Variants in SEC16A observed in about 807,000 individuals in gnomAD.
SEC16A encodes the protein protein transport protein Sec16A.
SEC16A carries 110 observed loss-of-function variants against 221.9 expected under a neutral mutation model. That is an observed-to-expected ratio of 0.50 (90% confidence interval 0.42 to 0.58). The LOEUF is 0.58. SEC16A is among the 20% of genes least tolerant of loss of function. SEC16A has a pLI of 0.00. For synonymous variants in SEC16A, 1,393 were observed against 1,257.7 expected (o/e 1.11, Z -2.28); for missense variants, 3,165 against 3,097.8 (o/e 1.02, Z -0.52).
Position 136,462,400 on chromosome 9 carries a change from C to T in SEC16A, c.4893+487G>A, listed in dbSNP as rs138895334. 1.1e-3 allele frequency among the ~76,000 whole-genome samples: 164 copies of T among 152,308 alleles called. 1 individual carries two copies. Among genetic ancestry groups the T allele is most frequent in the African/African-American group, 3.7e-3 (152 of 41,566 alleles). ...GGCCCCCCACCTGCCCCAGTCCCCA[C>T]GCTGCTGTGACCCCAGTCACTGGAC... is the stretch of plus-strand genomic sequence containing the variant. On this transcript the variant is annotated intron_variant, in intron 12 of 31. Coordinates refer to ENST00000684901, the MANE Select transcript of SEC16A (RefSeq NM_014866.2).
At chr9:136,444,955 G>A (rs1227788201) in intron 30 of SEC16A, 97 bp downstream of exon 30, 2 of 940,936 alleles carry the variant, frequency 2.1e-6, no homozygotes, top group African/African-American at 3.3e-5. Flanking sequence ...GGCGAGGTTA[G>A]TGGCAAAGCG....
At position 136,463,092 on chromosome 9, in the gene SEC16A, T is replaced by G. The variant is rs765104349; in HGVS notation, c.4688A>C (p.Asp1563Ala). The change falls in exon 12 of 32, where the codon GAC (aspartate) becomes GCC (alanine). Residue 1563 changes from aspartate (D) to alanine (A), a missense_variant. Coordinates refer to ENST00000684901, the MANE Select transcript of SEC16A (RefSeq NM_014866.2). ...GTDIAELLLR[D>A]HRTVWLPGKS... ...CCCAGGAAGCCACACTGTTCTGTGG[T>G]CTCGTAACAGAAGCTCCGCAATGTC... The G allele has an allele frequency of 1.9e-6, 3 of 1,612,044 alleles. No homozygotes were observed. The highest frequency in any genetic ancestry group is 2.5e-6 in the Non-Finnish European group (3 of 1,179,868).
chr9:136,469,248 G>A (rs983389189), intron 4 of SEC16A, among the ~76,000 whole-genome samples: 2 of 152,098 alleles, frequency 1.3e-5, no homozygotes, highest in South Asian at 2.1e-4. Flanking sequence ...GGGTACCCCC[G>A]TCAGAGCCCG....
intron 23 of SEC16A, among the ~76,000 whole-genome samples, chr9:136,450,827 A>T (rs1038775483): frequency 1.3e-5 from 2 of 152,096 alleles, no homozygotes; most frequent in African/African-American, 4.8e-5. Context: ...CCTAAGAAAA[A>T]CAAGCGCATT....
At chr9:136,450,989 T>C (rs1343582003) in intron 23 of SEC16A, among the ~76,000 whole-genome samples, 1 of 152,156 alleles carries the variant, frequency 6.6e-6, no homozygotes, top group African/African-American at 2.4e-5. Flanking sequence ...GTCTGGTCCC[T>C]TGCGGGTGGG....
chr9:136,461,844 T>C (rs1021655596), intron 12 of SEC16A, among the ~76,000 whole-genome samples: 3 of 151,958 alleles, frequency 2.0e-5, no homozygotes, highest in Non-Finnish European at 4.4e-5. Flanking sequence ...CGGTGGCTCA[T>C]GCCTATAATC....
rs532513013 is a variant in SEC16A, at chr9:136,476,170, G to A, written c.1446C>T (p.Ser482=). The part of the protein sequence containing the change: ...PSEPLNLDPS[S]PSDQFRYGPL... Reference sequence around the variant, plus strand: ...GCCCATATCTGAACTGGTCACTCGGGGAGGAAGGGTCCAAATTGAGGGGCT... The same window carrying A: ...GCCCATATCTGAACTGGTCACTCGGAGAGGAAGGGTCCAAATTGAGGGGCT... The change falls in exon 3 of 32, where the codon TCC becomes TCT. Residue 482 remains serine, a synonymous_variant. Transcript: ENST00000684901. The A allele has an allele frequency of 1.9e-6, 3 of 1,613,890 alleles. No individual in the cohort carries two copies. Among genetic ancestry groups the A allele is most frequent in the Non-Finnish European group, 2.5e-6 (3 of 1,179,896 alleles).
chr9:136,482,974 C>T lies in SEC16A; in HGVS notation c.-228G>A, dbSNP rs949400469. 1.3e-4 allele frequency: 127 copies of T among 985,244 alleles called. No individual in the cohort carries two copies. The highest frequency in any genetic ancestry group is 1.0e-3 in the Middle Eastern group (2 of 1,912). The allele number at this position is 985,244 out of a possible 1,614,324, so 61.0% of individuals were successfully genotyped here. A position where few individuals can be genotyped will look rare whatever the true frequency, so the allele number is the denominator to read the frequency against. ...AGACCGATCCCTCAGGAGCCGCGGG[C>T]GAAAGCCCACCCGACGCTGGCGACG... is the stretch of plus-strand genomic sequence containing the variant. On this transcript the variant is annotated 5_prime_UTR_variant, in exon 1 of 32. Coordinates refer to ENST00000684901, the MANE Select transcript of SEC16A (RefSeq NM_014866.2).
chr9:136,463,320 T>C (rs1313565749), intron 11 of SEC16A, 143 bp downstream of exon 11: 3 of 1,261,764 alleles, frequency 2.4e-6, no homozygotes, highest in Non-Finnish European at 3.3e-6. Context: ...ACCCAGCCAC[T>C]ACAGTGTGCT....
At chr9:136,464,169 G>A (rs974836357) in intron 9 of SEC16A, among the ~76,000 whole-genome samples, 4 of 152,022 alleles carry the variant, frequency 2.6e-5, no homozygotes, top group African/African-American at 9.7e-5. Flanking sequence ...CCAAAACGAG[G>A]ACAGAAAATG....
chr9:136,476,092 G>A lies in SEC16A; in HGVS notation c.1524C>T (p.Ala508=), dbSNP rs769578875. ...PRHGAVCHTG[A]PDATLHTVHP... Reference sequence around the variant, plus strand: ...GCACTGTATGCAGTGTGGCATCAGGGGCTCCGGTGTGGCACACAGCACCAT... The same window carrying A: ...GCACTGTATGCAGTGTGGCATCAGGAGCTCCGGTGTGGCACACAGCACCAT... The change falls in exon 3 of 32, where the codon GCC becomes GCT. Residue 508 remains alanine, a synonymous_variant. Transcript: ENST00000684901. 5.6e-6 allele frequency: 9 copies of A among 1,613,500 alleles called. No individual in the cohort carries two copies. In the East Asian group the frequency reaches 1.8e-4, roughly 32 times the overall value.
chr9:136,452,556 G>GGA (rs1467914834), intron 22 of SEC16A, among the ~76,000 whole-genome samples: 1 of 150,260 alleles, frequency 6.7e-6, no homozygotes, highest in Non-Finnish European at 1.5e-5. Flanking sequence ...CTTGAGGTCA[G>GGA]GAGTTCGAGA....
In SEC16A at chr9:136,459,420, GACTAC is replaced by G. The variant is rs1444686086; in HGVS notation, c.5303+19_5303+23del. On this transcript the variant is annotated intron_variant, in intron 16 of 31. Coordinates refer to ENST00000684901, the MANE Select transcript of SEC16A (RefSeq NM_014866.2). The surrounding 1 kb of genome is among the most constrained non-coding windows in gnomAD (Gnocchi z 6.1). ...TTTACTTTGAAAGGAAAACTTACAG[GACTAC>G]ACTGACTTGGTTCTTTACCTGTGAT... 1.3e-6 allele frequency: 2 copies of G among 1,546,960 alleles called. No homozygotes were observed. The highest frequency in any genetic ancestry group is 1.8e-6 in the Non-Finnish European group (2 of 1,132,706).
chr9:136,462,092 T>A (rs1839559411), intron 12 of SEC16A, among the ~76,000 whole-genome samples: 1 of 151,732 alleles, frequency 6.6e-6, no homozygotes, highest in Admixed American at 6.6e-5. Context: ...TGGGCAAGAG[T>A]GAGACCCTGT....
At chr9:136,444,988 T>A in intron 30 of SEC16A, 64 bp downstream of exon 30, 1 of 1,469,672 alleles carries the variant, frequency 6.8e-7, no homozygotes, top group Non-Finnish European at 9.3e-7. Context: ...CGGCACCGCG[T>A]GCTCAGGAAC....
rs369502710 is a variant in SEC16A at position 136,444,985 on chromosome 9, G to A, written c.6927+67C>T. On this transcript the variant is annotated intron_variant, in intron 30 of 31. Transcript: ENST00000684901. Reference sequence around the variant, plus strand: ...AAAGCGCACGTGGCGAACCGGCACCGCGTGCTCAGGAACACAGGCGGCACA... The same window carrying A: ...AAAGCGCACGTGGCGAACCGGCACCACGTGCTCAGGAACACAGGCGGCACA... 42 of 1,410,028 alleles carry A rather than the reference G, an allele frequency of 3.0e-5. No individual in the cohort carries two copies. The African/African-American group carries it at 4.4e-4, about 15-fold the overall frequency. 87.3% of individuals were successfully genotyped at this position (1,410,028 alleles called of 1,614,324 possible).
chr9:136,483,538 C>T, upstream of SEC16A: 5 of 985,338 alleles, frequency 5.1e-6, no homozygotes, highest in Non-Finnish European at 6.0e-6. Context: ...GCCACCTGCC[C>T]GGCCAGGCGC....
At chr9:136,481,380 C>T (rs559709930) in intron 1 of SEC16A, among the ~76,000 whole-genome samples, 307 of 152,174 alleles carry the variant, frequency 2.0e-3, no homozygotes, top group Non-Finnish European at 3.6e-3. Flanking sequence ...CCTCGTGATC[C>T]GCCCGCCTCA....
At chr9:136,444,923 C>T (rs1836742115) in intron 30 of SEC16A, 129 bp downstream of exon 30, 9 of 666,102 alleles carry the variant, frequency 1.4e-5, no homozygotes, top group South Asian at 1.0e-4. Context: ...CCCTTGGTCA[C>T]GTGACGCTGA....
Sources: gnomAD v4.1 joint callset for allele counts (sites outside exome capture counted in the v4.1 genomes callset) on GRCh38, gnomAD v4.1.1 for gene constraint, Gnocchi (gnomAD v3.1) non-coding constraint, MANE v1.5 for transcripts, NCBI Gene and HGNC (gene_info 2026-07-23, HGNC 2026-07-21) for gene names.